AUTS2: variants seen among roughly 807,000 people sequenced by gnomAD.
AUTS2 encodes autism susceptibility gene 2 protein.
A neutral mutation model predicts 112.4 loss-of-function variants in AUTS2; 17 were observed. The ratio of observed to expected loss-of-function variants is 0.15; its 90% CI spans 0.10 to 0.23. The LOEUF (loss-of-function observed/expected upper bound fraction) is 0.23, where lower values mean the gene tolerates loss of function less well. Among genes scored for constraint, AUTS2 ranks in the 10% least tolerant of loss-of-function variants. The pLI is 1.00. For missense variants in AUTS2, 1,510 were observed against 1,701.6 expected (o/e 0.89, Z 1.98); for synonymous variants, 751 against 702.7 (o/e 1.07, Z -1.09).
chr7:70,738,012 T>C (rs1239228071), intron 6 of AUTS2, among the ~76,000 whole-genome samples: 2 of 152,174 alleles, frequency 1.3e-5, no homozygotes, highest in Non-Finnish European at 2.9e-5. Context: ...ACGGAAGACA[T>C]TCTGAAACCA....
intron 4 of AUTS2, among the ~76,000 whole-genome samples, chr7:70,156,429 T>C (rs1416666423): frequency 2.0e-5 from 3 of 152,112 alleles, no homozygotes; most frequent in South Asian, 2.1e-4. Context: ...AATTGTGAAG[T>C]AGGACTGTAG....
At chr7:70,710,189 TC>T (rs1156940250) in intron 6 of AUTS2, among the ~76,000 whole-genome samples, 1 of 150,106 alleles carries the variant, frequency 6.7e-6, no homozygotes, top group Non-Finnish European at 1.5e-5. Flanking sequence ...GGAATGACTG[TC>T]ATTTGGACCA....
intron 2 of AUTS2, among the ~76,000 whole-genome samples, chr7:69,953,554 G>A (rs1392103111): frequency 1.3e-5 from 2 of 152,162 alleles, no homozygotes; most frequent in African/African-American, 2.4e-5. Flanking sequence ...TTACAAACAG[G>A]TTGTGTTCGG....
chr7:70,130,849 C>CG (rs1806234273), intron 3 of AUTS2, among the ~76,000 whole-genome samples: 5 of 152,140 alleles, frequency 3.3e-5, no homozygotes, highest in Non-Finnish European at 7.4e-5. Context: ...TTCTCAGCCT[C>CG]TTAATAGTTC....
chr7:70,537,131 C>T (rs533412527), intron 5 of AUTS2, among the ~76,000 whole-genome samples: 2 of 152,266 alleles, frequency 1.3e-5, no homozygotes, highest in East Asian at 1.9e-4. Context: ...TGTTGGTGCT[C>T]ATGCCAAGCC....
intron 5 of AUTS2, among the ~76,000 whole-genome samples, chr7:70,609,225 G>A (rs983990861): frequency 3.3e-5 from 5 of 151,862 alleles, no homozygotes; most frequent in East Asian, 1.9e-4. Flanking sequence ...CAACCCCTCC[G>A]CCCAGCCCCT....
rs866207753 is a variant in AUTS2, at chr7:70,087,403, C to A, written c.523-30729C>A. Among the ~76,000 whole-genome samples, 6 of 148,230 alleles carry A rather than the reference C, an allele frequency of 4.0e-5. No individual in the cohort carries two copies. The South Asian group carries it at 6.4e-4, about 16-fold the overall frequency. On this transcript the variant is annotated intron_variant, in intron 2 of 18. Coordinates refer to ENST00000342771, the MANE Select transcript of AUTS2 (RefSeq NM_015570.4). Reference sequence around the variant, plus strand: ...TTTTTTTTTGAGACAGAGTCTCACTCTTGTAGCCCAGTCTGGAGTGCAATG... The same window carrying A: ...TTTTTTTTTGAGACAGAGTCTCACTATTGTAGCCCAGTCTGGAGTGCAATG...
At position 70,395,945 on chromosome 7, in the gene AUTS2, A is replaced by T. The variant is rs1271865801; in HGVS notation, c.661-39807A>T. Among the ~76,000 whole-genome samples the T allele has an allele frequency of 2.0e-5, 3 of 152,344 alleles. No homozygotes were observed. In the East Asian group the frequency reaches 5.8e-4, roughly 29 times the overall value. ...CTGTTTGTTTTACACATACAGAAAAACACTCTTAACCCATGAAGTATGTAG... is the reference window on the plus strand; with the variant it reads ...CTGTTTGTTTTACACATACAGAAAATCACTCTTAACCCATGAAGTATGTAG... On this transcript the variant is annotated intron_variant, in intron 4 of 18. Transcript: ENST00000342771.
intron 5 of AUTS2, among the ~76,000 whole-genome samples, chr7:70,559,824 GT>G (rs1461889255): frequency 6.6e-6 from 1 of 152,044 alleles, no homozygotes; most frequent in African/African-American, 2.4e-5. Flanking sequence ...CATTCCCATT[GT>G]TATGCCCTAC....
At chr7:70,324,813 G>A (rs1164032335) in intron 4 of AUTS2, among the ~76,000 whole-genome samples, 5 of 152,232 alleles carry the variant, frequency 3.3e-5, no homozygotes, top group African/African-American at 9.7e-5. Flanking sequence ...GCCATGTGGC[G>A]GGACTTATTG....
At chr7:70,466,303 T>C (rs1044245166) in intron 5 of AUTS2, among the ~76,000 whole-genome samples, 6 of 152,348 alleles carry the variant, frequency 3.9e-5, no homozygotes, top group Admixed American at 2.0e-4. Flanking sequence ...ATAATAATTA[T>C]GTAGTGATTA....
intron 1 of AUTS2, among the ~76,000 whole-genome samples, chr7:69,725,347 G>A (rs1786458720): frequency 6.6e-6 from 1 of 152,126 alleles, no homozygotes; most frequent in African/African-American, 2.4e-5. Context: ...AGAATGTGAT[G>A]GGCATGCCAT....
intron 2 of AUTS2, among the ~76,000 whole-genome samples, chr7:69,900,425 A>C (rs920480321): frequency 6.6e-6 from 1 of 152,266 alleles, no homozygotes; most frequent in South Asian, 2.1e-4. Context: ...CTGCAGAGGC[A>C]GGGAGATCTG....
rs1015469044 is a variant in AUTS2, at chr7:70,375,275, T to C, written c.661-60477T>C. Among the ~76,000 whole-genome samples, 4 of 152,192 alleles carry C rather than the reference T, an allele frequency of 2.6e-5. No homozygotes were observed. The South Asian group carries it at 8.3e-4, about 31-fold the overall frequency. ...GAGACCAGAGCTATTAGAAGCCCCATTGACTTTGCTTTGAGATTCCATTGG... is the reference window on the plus strand; with the variant it reads ...GAGACCAGAGCTATTAGAAGCCCCACTGACTTTGCTTTGAGATTCCATTGG... On this transcript the variant is annotated intron_variant, in intron 4 of 18. Coordinates refer to ENST00000342771, the MANE Select transcript of AUTS2 (RefSeq NM_015570.4).
chr7:70,706,373 GA>G (rs1809739003), intron 6 of AUTS2, among the ~76,000 whole-genome samples: 1 of 152,192 alleles, frequency 6.6e-6, no homozygotes, highest in African/African-American at 2.4e-5. Context: ...AAAGTCACAT[GA>G]CCAAGCCTGC....
chr7:69,907,228 G>A (rs1434611230), intron 2 of AUTS2, among the ~76,000 whole-genome samples: 1 of 152,100 alleles, frequency 6.6e-6, no homozygotes, highest in African/African-American at 2.4e-5. Flanking sequence ...GTATACAACT[G>A]TGTGAGGTTC....
intron 1 of AUTS2, among the ~76,000 whole-genome samples, chr7:69,875,912 A>G (rs1793714037): frequency 6.6e-6 from 1 of 152,100 alleles, no homozygotes; most frequent in Non-Finnish European, 1.5e-5. Context: ...ATAGTTATTC[A>G]CAAATGGTTG....
chr7:70,331,465 T>C (rs1427843875), intron 4 of AUTS2, among the ~76,000 whole-genome samples: 2 of 152,072 alleles, frequency 1.3e-5, no homozygotes, highest in African/African-American at 4.8e-5. Context: ...TGGCTAGTGG[T>C]CTATCTATTT....
chr7:70,435,390 G>C (rs1795849726), intron 4 of AUTS2, among the ~76,000 whole-genome samples: 2 of 152,138 alleles, frequency 1.3e-5, no homozygotes, highest in South Asian at 4.2e-4. Flanking sequence ...GAACAATCTT[G>C]ATTCACCTTA....
Sources: gnomAD v4.1 joint callset for allele counts (sites outside exome capture counted in the v4.1 genomes callset) on GRCh38, gnomAD v4.1.1 for gene constraint, MANE v1.5 for transcripts, NCBI Gene and HGNC (gene_info 2026-07-23, HGNC 2026-07-21) for gene names.